Variants in ATF7IP observed in about 807,000 individuals in gnomAD.
ATF7IP encodes the protein activating transcription factor 7 interacting protein.
In ATF7IP, 23 loss-of-function variants were observed where a neutral mutation model predicts 106.4. The ratio of observed to expected loss-of-function variants is 0.22; its 90% CI spans 0.16 to 0.31. The LOEUF is 0.31. Ranked by LOEUF, ATF7IP falls within the 10% of genes least tolerant of loss-of-function variation. The pLI is 1.00. For missense variants in ATF7IP, 1,334 were observed against 1,524.3 expected (o/e 0.88, Z 2.08); for synonymous variants, 542 against 539.0 (o/e 1.01, Z -0.08).
chr12:14,432,486 G>A (rs2136598760), intron 2 of ATF7IP, among the ~76,000 whole-genome samples: 1 of 152,286 alleles, frequency 6.6e-6, no homozygotes, highest in Non-Finnish European at 1.5e-5. Context: ...TGAGCAAAGG[G>A]TAGTAAATGG....
rs117305587 is a variant in ATF7IP at position 14,412,000 on chromosome 12, T to A, written c.-7-11909T>A. ...AGGACTCCAACTTCATTCTTTTGCA[T>A]GTGGCTATCCAGTTTTTCCAACACT... On this transcript the variant is annotated intron_variant, in intron 1 of 14. Coordinates refer to ENST00000261168, the MANE Select transcript of ATF7IP (RefSeq NM_018179.5). Among the ~76,000 whole-genome samples the A allele has an allele frequency of 5.0e-4, 76 of 152,322 alleles. No individual in the cohort carries two copies. The South Asian group carries it at 0.011, about 22-fold the overall frequency.
At position 14,438,168 on chromosome 12, in the gene ATF7IP, G is replaced by T. The variant is rs1565511954; in HGVS notation, c.1830G>T (p.Leu610=). The T allele has an allele frequency of 6.2e-7, 1 of 1,613,310 alleles. No individual in the cohort carries two copies. The highest frequency in any genetic ancestry group is 2.2e-5 in the East Asian group (1 of 44,876). The change falls in exon 5 of 15, where the codon CTG becomes CTT. Residue 610 remains leucine (L), a synonymous_variant. Coordinates refer to ENST00000261168, the MANE Select transcript of ATF7IP (RefSeq NM_018179.5). ...TGCTGGAAGAAAAATTGTGTGCGCTGCAGTGTGCTGTATTTGATAAGACTT... is the reference window on the plus strand; with the variant it reads ...TGCTGGAAGAAAAATTGTGTGCGCTTCAGTGTGCTGTATTTGATAAGACTT... ...QWLLEEKLCA[L]QCAVFDKTLA...
At chr12:14,371,188 G>A (rs1938520881) in intron 1 of ATF7IP, among the ~76,000 whole-genome samples, 1 of 151,956 alleles carries the variant, frequency 6.6e-6, no homozygotes, top group Non-Finnish European at 1.5e-5. Context: ...TGATTCAGGA[G>A]TCAGTTTATT....
At chr12:14,473,582 T>C (rs1565542840) in intron 10 of ATF7IP, among the ~76,000 whole-genome samples, 1 of 152,238 alleles carries the variant, frequency 6.6e-6, no homozygotes, top group East Asian at 1.9e-4. Context: ...AAAATAGATA[T>C]AGTCTTTAAT....
At chr12:14,418,114 T>A (rs992840580) in intron 1 of ATF7IP, among the ~76,000 whole-genome samples, 3 of 152,058 alleles carry the variant, frequency 2.0e-5, no homozygotes, top group Admixed American at 6.6e-5. Context: ...AAAAATATTT[T>A]AAAAATAATT....
At chr12:14,403,068 G>A (rs1329286385) in intron 1 of ATF7IP, among the ~76,000 whole-genome samples, 1 of 152,078 alleles carries the variant, frequency 6.6e-6, no homozygotes, top group Non-Finnish European at 1.5e-5. Flanking sequence ...AGAAATATCT[G>A]TGGTATATTA....
intron 1 of ATF7IP, among the ~76,000 whole-genome samples, chr12:14,386,400 T>C (rs917611407): frequency 6.6e-6 from 1 of 152,114 alleles, no homozygotes; most frequent in African/African-American, 2.4e-5. Flanking sequence ...CCTGTTAAAA[T>C]ATTTTTTAGC....
chr12:14,395,704 G>T (rs1939799100), intron 1 of ATF7IP, among the ~76,000 whole-genome samples: 1 of 151,982 alleles, frequency 6.6e-6, no homozygotes, highest in African/African-American at 2.4e-5. Context: ...AAATCAGAGT[G>T]CTTATGTTTT....
intron 13 of ATF7IP, among the ~76,000 whole-genome samples, chr12:14,489,607 G>A (rs1944740581): frequency 6.6e-6 from 1 of 152,120 alleles, no homozygotes; most frequent in Non-Finnish European, 1.5e-5. Context: ...CTGATTCAGA[G>A]CATACATGGC....
chr12:14,460,603 C>A lies in ATF7IP; in HGVS notation c.2267C>A (p.Pro756His). 6.2e-7 allele frequency: 1 copy of A among 1,614,144 alleles called. No homozygotes were observed. The highest frequency in any genetic ancestry group is 1.3e-5 in the African/African-American group (1 of 75,032). Residue 756 changes from proline to histidine, a missense_variant, in exon 9 of 15, where the codon CCC becomes CAC. Transcript: ENST00000261168. Reference sequence around the variant, plus strand: ...ACAGCAACGTCAGTTCTTCCTGCACCCAATACAGCTACTGTAGTTGCTACT... The same window carrying A: ...ACAGCAACGTCAGTTCTTCCTGCACACAATACAGCTACTGTAGTTGCTACT... Reference protein sequence around the residue: ...SLTATSVLPAPNTATVVATTQ... With the variant: ...SLTATSVLPAHNTATVVATTQ...
Position 14,500,176 on chromosome 12 carries a change from G to A in ATF7IP, c.*2103G>A, listed in dbSNP as rs1945125042. 2 of 152,186 alleles carry A rather than the reference G, an allele frequency of 1.3e-5. No homozygotes were observed. The highest frequency in any genetic ancestry group is 4.1e-4 in the South Asian group (2 of 4,832). The allele number at this position is 152,186 out of a possible 1,614,324, so 9.4% of individuals were successfully genotyped here. A position where few individuals can be genotyped will look rare whatever the true frequency, so the allele number is the denominator to read the frequency against. On this transcript the variant is annotated 3_prime_UTR_variant, in exon 15 of 15. Coordinates refer to ENST00000261168, the MANE Select transcript of ATF7IP (RefSeq NM_018179.5). The stretch of plus-strand genomic sequence containing the variant: ...ATTTTTCCTAGAATTACAGGAGGGA[G>A]CTCTTTTACTAATGTTGTTTTGTTT...
chr12:14,473,983 T>C lies in ATF7IP; in HGVS notation c.2863-1907T>C, dbSNP rs183355916. Among the ~76,000 whole-genome samples the C allele has an allele frequency of 4.4e-3, 665 of 152,136 alleles. 4 individuals are homozygous for C. The highest frequency in any genetic ancestry group is 0.015 in the African/African-American group (639 of 41,556). On this transcript the variant is annotated intron_variant, in intron 10 of 14. Transcript: ENST00000261168. Reference sequence around the variant, plus strand: ...TTCAGTATTTGAACTATGATGTGTATAGTTATGATTTCTTAGTGTTTCTTC... The same window carrying C: ...TTCAGTATTTGAACTATGATGTGTACAGTTATGATTTCTTAGTGTTTCTTC...
In ATF7IP at chr12:14,424,105, T is replaced by G; in HGVS notation, c.190T>G (p.Tyr64Asp). The G allele has an allele frequency of 1.2e-6, 2 of 1,614,192 alleles. No homozygotes were observed. The highest frequency in any genetic ancestry group is 1.7e-6 in the Non-Finnish European group (2 of 1,180,024). ...AACCTCACCTTTGGAAAACATGGAT[T>G]ACATTAAAGACAAGGAAGAGGTGAA... is the stretch of plus-strand genomic sequence containing the variant. ...DPTSPLENMD[Y>D]IKDKEEVNGI... Residue 64 changes from tyrosine (Y) to aspartate (D), a missense_variant, in exon 2 of 15, where the codon TAC becomes GAC. Transcript: ENST00000261168.
chr12:14,448,861 T>TA (rs1943086117), intron 6 of ATF7IP, among the ~76,000 whole-genome samples: 1 of 152,206 alleles, frequency 6.6e-6, no homozygotes, highest in African/African-American at 2.4e-5. Context: ...ATGTATGTGA[T>TA]ACCTCATTGT....
chr12:14,385,408 C>A (rs1939176825), intron 1 of ATF7IP: 11 of 1,532,230 alleles, frequency 7.2e-6, no homozygotes, highest in Non-Finnish European at 9.6e-6. Flanking sequence ...GAGGTAAGAA[C>A]CAATTACTCT....
At position 14,501,239 on chromosome 12, in the gene ATF7IP, T is replaced by C. The variant is rs1261825685; in HGVS notation, c.*3166T>C. On this transcript the variant is annotated 3_prime_UTR_variant, in exon 15 of 15. Transcript: ENST00000261168. ...ACAAAGTATTACAAATAAGCTAGAT[T>C]CTCCCAGTTTGGGAATGCAAGTTTG... 1 of 152,230 alleles carries C rather than the reference T, an allele frequency of 6.6e-6. No homozygotes were observed. The highest frequency in any genetic ancestry group is 1.5e-5 in the Non-Finnish European group (1 of 68,030). 9.4% of individuals were successfully genotyped at this position (152,230 alleles called of 1,614,324 possible).
At chr12:14,475,326 T>C (rs1054850010) in intron 10 of ATF7IP, among the ~76,000 whole-genome samples, 7 of 152,210 alleles carry the variant, frequency 4.6e-5, no homozygotes, top group Admixed American at 3.9e-4. Flanking sequence ...CTTACCTTCC[T>C]TTTTGGTTGC....
intron 8 of ATF7IP, among the ~76,000 whole-genome samples, chr12:14,458,180 ATGAAAC>A (rs1230976974): frequency 6.6e-6 from 1 of 152,090 alleles, no homozygotes; most frequent in Non-Finnish European, 1.5e-5. Flanking sequence ...GCTTTTTAAA[ATGAAAC>A]TGTGTATTTT....
At chr12:14,388,463 C>T (rs1939368127) in intron 1 of ATF7IP, among the ~76,000 whole-genome samples, 1 of 152,082 alleles carries the variant, frequency 6.6e-6, no homozygotes, top group African/African-American at 2.4e-5. Context: ...TCTCCTGCCT[C>T]AGCCTCCCGA....
Sources: allele counts gnomAD v4.1 joint callset (sites outside exome capture counted in the v4.1 genomes callset), GRCh38; gene constraint gnomAD v4.1.1; transcripts MANE v1.5; gene names NCBI Gene and HGNC (gene_info 2026-07-23, HGNC 2026-07-21).